OCA2: variants seen among roughly 807,000 people sequenced by gnomAD.
OCA2 encodes P protein.
In OCA2, 77 loss-of-function variants were observed where a neutral mutation model predicts 100.2. That is an observed-to-expected ratio of 0.77 (90% CI 0.64 to 0.93). The LOEUF is 0.93. Ranked by LOEUF, OCA2 falls within the 40% of genes least tolerant of loss-of-function variation. The probability of loss-of-function intolerance (pLI) is 0.00; values close to 1 mark genes in which losing one functional copy is unlikely to be tolerated. For synonymous variants in OCA2, 432 were observed against 439.2 expected (o/e 0.98, Z 0.21); for missense variants, 1,062 against 1,089.1 (o/e 0.98, Z 0.35).
intron 23 of OCA2, among the ~76,000 whole-genome samples, chr15:27,795,250 A>G (rs539063292): frequency 1.3e-5 from 2 of 152,320 alleles, no homozygotes; most frequent in South Asian, 4.1e-4. Context: ...AGTATTTTAC[A>G]TACTTTACAC....
intron 19 of OCA2, among the ~76,000 whole-genome samples, chr15:27,886,681 T>C (rs1264167317): frequency 6.6e-6 from 1 of 152,160 alleles, no homozygotes; most frequent in Non-Finnish European, 1.5e-5. Flanking sequence ...TTATATGTTC[T>C]CTACTAGAAA....
intron 21 of OCA2, among the ~76,000 whole-genome samples, chr15:27,865,861 A>T (rs2036301105): frequency 6.6e-6 from 1 of 152,010 alleles, no homozygotes; most frequent in Non-Finnish European, 1.5e-5. Context: ...TGCCACCCAC[A>T]TACTCTCCTC....
chr15:27,989,700 G>A (rs370024151), intron 10 of OCA2, 34 bp from the exon 11 acceptor site: 149 of 1,596,870 alleles, frequency 9.3e-5, no homozygotes, highest in Middle Eastern at 3.3e-4. Context: ...CAATTAATCC[G>A]TGCGCCGCCA....
chr15:28,036,016 T>C lies in OCA2; in HGVS notation c.228-3853A>G, dbSNP rs190376716. On this transcript the variant is annotated intron_variant, in intron 2 of 23. Transcript: ENST00000354638. ...GTGCAGAGACACACATTCACACATA[T>C]ACATATTCACGTATACAAATTGCCT... Among the ~76,000 whole-genome samples, 240 of 152,332 alleles carry C rather than the reference T, an allele frequency of 1.6e-3. 1 individual carries two copies. The highest frequency in any genetic ancestry group is 2.6e-3 in the Non-Finnish European group (179 of 68,024).
intron 14 of OCA2, among the ~76,000 whole-genome samples, chr15:27,975,141 T>A (rs1269432788): frequency 2.6e-5 from 4 of 152,226 alleles, no homozygotes; most frequent in African/African-American, 9.6e-5. Flanking sequence ...GATCTAGGAC[T>A]GTAAGGGCAG....
At chr15:27,868,591 TG>T (rs768136218) in intron 21 of OCA2, among the ~76,000 whole-genome samples, 115 of 152,002 alleles carry the variant, frequency 7.6e-4, no homozygotes, top group Non-Finnish European at 1.5e-3. Context: ...GGCTGCTCAA[TG>T]GGTAGAGTTT....
intron 18 of OCA2, among the ~76,000 whole-genome samples, chr15:27,947,207 G>A (rs752029746): frequency 1.4e-4 from 21 of 152,322 alleles, no homozygotes; most frequent in Non-Finnish European, 2.6e-4. Flanking sequence ...TGCCTTCTGT[G>A]AGTTGGTTTT....
intron 9 of OCA2, among the ~76,000 whole-genome samples, chr15:28,013,134 A>G (rs1441235675): frequency 6.6e-6 from 1 of 152,186 alleles, no homozygotes; most frequent in Non-Finnish European, 1.5e-5. Context: ...TCCTGGACAC[A>G]GGCCAGACCC....
At chr15:28,018,061 A>G (rs993485999) in intron 7 of OCA2, among the ~76,000 whole-genome samples, 2 of 151,746 alleles carry the variant, frequency 1.3e-5, no homozygotes, top group African/African-American at 4.8e-5. Context: ...CTGAACCCTG[A>G]CGTAAGGCCC....
chr15:27,848,514 C>T (rs2035618090), intron 22 of OCA2, among the ~76,000 whole-genome samples: 1 of 152,178 alleles, frequency 6.6e-6, no homozygotes, highest in Non-Finnish European at 1.5e-5. Context: ...GACGGAGAAG[C>T]ACAGGGGGGT....
chr15:28,012,990 G>A (rs893516387), intron 9 of OCA2, among the ~76,000 whole-genome samples: 1 of 152,200 alleles, frequency 6.6e-6, no homozygotes, highest in East Asian at 1.9e-4. Context: ...TCTTAGGCGG[G>A]CAGTGGGCCC....
chr15:27,857,085 A>G (rs749136064), intron 21 of OCA2, among the ~76,000 whole-genome samples: 1 of 152,252 alleles, frequency 6.6e-6, no homozygotes, highest in Non-Finnish European at 1.5e-5. Context: ...ATGTTAATTC[A>G]GCTATCTTAA....
At chr15:27,821,332 A>C (rs2034493233) in intron 23 of OCA2, among the ~76,000 whole-genome samples, 2 of 152,156 alleles carry the variant, frequency 1.3e-5, no homozygotes, top group Admixed American at 6.5e-5. Flanking sequence ...GACAAAAGAG[A>C]AATTTCACTG....
intron 2 of OCA2, among the ~76,000 whole-genome samples, chr15:28,057,814 G>GA (rs2141631285): frequency 6.6e-6 from 1 of 152,290 alleles, no homozygotes; most frequent in African/African-American, 2.4e-5. Flanking sequence ...ACAAAGACGG[G>GA]TGGGATTTGT....
chr15:28,073,504 C>T (rs2044329397), intron 2 of OCA2, among the ~76,000 whole-genome samples: 1 of 152,168 alleles, frequency 6.6e-6, no homozygotes, highest in Non-Finnish European at 1.5e-5. Context: ...GAACAGAAAA[C>T]CAAATACCTC....
intron 14 of OCA2, among the ~76,000 whole-genome samples, chr15:27,967,396 G>A (rs536279903): frequency 2.0e-5 from 3 of 152,296 alleles, no homozygotes; most frequent in African/African-American, 7.2e-5. Flanking sequence ...GCCATCATAG[G>A]AAGAAACAAA....
intron 19 of OCA2, among the ~76,000 whole-genome samples, chr15:27,905,570 T>C (rs2038145268): frequency 6.6e-6 from 1 of 152,178 alleles, no homozygotes; most frequent in South Asian, 2.1e-4. Context: ...TCTGGGGGCA[T>C]GCAGCCTTGG....
chr15:27,752,445 CTT>C (rs2030096946), downstream of OCA2, among the ~76,000 whole-genome samples: 1 of 152,286 alleles, frequency 6.6e-6, no homozygotes, highest in African/African-American at 2.4e-5. Flanking sequence ...CGCGTGGTCT[CTT>C]GAGTGGAAAA....
intron 18 of OCA2, among the ~76,000 whole-genome samples, chr15:27,928,482 A>G (rs1393732287): frequency 2.0e-5 from 3 of 152,210 alleles, no homozygotes; most frequent in African/African-American, 7.2e-5. Context: ...ATGCTGGTTC[A>G]CAGCAGGATG....
Sources: allele counts gnomAD v4.1 joint callset (sites outside exome capture counted in the v4.1 genomes callset), GRCh38; gene constraint gnomAD v4.1.1; transcripts MANE v1.5; gene names NCBI Gene and HGNC (gene_info 2026-07-23, HGNC 2026-07-21).